Variants in STMND1 observed in about 807,000 individuals in gnomAD.
The protein encoded by STMND1 is stathmin domain-containing protein 1.
Under a neutral mutation model 23.0 loss-of-function variants are expected in STMND1, and 17 were observed. The ratio of observed to expected loss-of-function variants is 0.74; its 90% CI spans 0.51 to 1.11. The LOEUF (loss-of-function observed/expected upper bound fraction) is 1.11, where lower values mean the gene tolerates loss of function less well. STMND1 is among the 50% of genes least tolerant of loss of function. The probability of loss-of-function intolerance (pLI) is 0.00; values close to 1 mark genes in which losing one functional copy is unlikely to be tolerated. For synonymous variants in STMND1, 114 were observed against 119.9 expected (o/e 0.95, Z 0.32); for missense variants, 305 against 329.1 (o/e 0.93, Z 0.57).
intron 1 of STMND1, among the ~76,000 whole-genome samples, chr6:17,113,991 C>T (rs6928162): frequency 0.31 from 47,235 of 151,960 alleles, 7,492 homozygotes; most frequent in Middle Eastern, 0.34. Context: ...CTTCAAACAG[C>T]AGTCACCAAC....
At chr6:17,126,053 TATATATATA>T (rs1561925701) in intron 3 of STMND1, among the ~76,000 whole-genome samples, 3 of 34,782 alleles carry the variant, frequency 8.6e-5, no homozygotes, top group African/African-American at 1.4e-4. Flanking sequence ...TATATATATA[TATATATATA>T]TATATATATT....
chr6:17,117,138 G>A (rs1561923820), intron 2 of STMND1, among the ~76,000 whole-genome samples: 1 of 151,638 alleles, frequency 6.6e-6, no homozygotes. Flanking sequence ...ATGCCATCTC[G>A]ACTCACTGCA....
At chr6:17,129,345 G>A in intron 4 of STMND1, 102 bp downstream of exon 4, 1 of 1,103,104 alleles carries the variant, frequency 9.1e-7, no homozygotes, top group Non-Finnish European at 1.2e-6. Flanking sequence ...AAACTGCATG[G>A]ATCTATAATC....
chr6:17,129,054 C>T, intron 3 of STMND1, 58 bp from the exon 4 acceptor site: 1 of 1,498,928 alleles, frequency 6.7e-7, no homozygotes, highest in Non-Finnish European at 8.9e-7. Flanking sequence ...CTCTTTTGCC[C>T]TTCTCTTCTG....
In STMND1 at chr6:17,102,351, C is replaced by G. The variant is rs754368324; in HGVS notation, c.81+13C>G. On this transcript the variant is annotated intron_variant, in intron 1 of 4. Transcript: ENST00000536551. ...AGAGGAATTCAAGGTAATAAACAAA[C>G]AAACAAACAAACAAACAAACAGACA... is the stretch of plus-strand genomic sequence containing the variant. 4.0e-6 allele frequency: 6 copies of G among 1,512,024 alleles called. No homozygotes were observed. Among genetic ancestry groups the G allele is most frequent in the Non-Finnish European group, 5.3e-6 (6 of 1,128,376 alleles). 93.7% of individuals were successfully genotyped at this position (1,512,024 alleles called of 1,614,324 possible).
chr6:17,102,775 T>C (rs1228736823), intron 1 of STMND1, among the ~76,000 whole-genome samples: 1 of 152,122 alleles, frequency 6.6e-6, no homozygotes, highest in African/African-American at 2.4e-5. Context: ...AAATAGGCCC[T>C]TTGGTCGTTT....
chr6:17,120,650 G>C lies in STMND1; in HGVS notation c.303G>C (p.Glu101Asp). ...NGLINKPQSL[E>D]SRERQKSSDI... is the part of the protein sequence containing the mutation. ...TAATCAATAAACCCCAATCCCTAGAGAGTCGAGAGCGACAGAAGTCATCAG... is the reference window on the plus strand; with the variant it reads ...TAATCAATAAACCCCAATCCCTAGACAGTCGAGAGCGACAGAAGTCATCAG... The change falls in exon 3 of 5, where the codon GAG (glutamate) becomes GAC (aspartate). Residue 101 changes from glutamate (E) to aspartate (D), a missense_variant. Transcript: ENST00000536551. The C allele has an allele frequency of 6.5e-7, 1 of 1,535,048 alleles. No homozygotes were observed.
At position 17,104,541 on chromosome 6, in the gene STMND1, T is replaced by A. The variant is rs528872160; in HGVS notation, c.81+2203T>A. ...CCATTCCAAGGCCCAGGAGGGTTCCTGGGTTTCTACCTACATTTCTTGGGT... is the reference window on the plus strand; with the variant it reads ...CCATTCCAAGGCCCAGGAGGGTTCCAGGGTTTCTACCTACATTTCTTGGGT... On this transcript the variant is annotated intron_variant, in intron 1 of 4. Transcript: ENST00000536551. Among the ~76,000 whole-genome samples the A allele has an allele frequency of 2.0e-5, 3 of 152,304 alleles. No homozygotes were observed. The South Asian group carries it at 6.2e-4, about 32-fold the overall frequency.
At position 17,110,943 on chromosome 6, in the gene STMND1, T is replaced by C. The variant is rs1761090163; in HGVS notation, c.82-4019T>C. 4 of 453,146 alleles carry C rather than the reference T, an allele frequency of 8.8e-6. No homozygotes were observed. The Admixed American group carries it at 9.5e-5, about 11-fold the overall frequency. The allele number at this position is 453,146 out of a possible 1,614,324, so 28.1% of individuals were successfully genotyped here. ...CCATTGAAATGAGAAGTGGGAAACTTGCAATGAAAGAGGGCCAGCACCTGG... is the reference window on the plus strand; with the variant it reads ...CCATTGAAATGAGAAGTGGGAAACTCGCAATGAAAGAGGGCCAGCACCTGG... On this transcript the variant is annotated intron_variant, in intron 1 of 4. Coordinates refer to ENST00000536551, the MANE Select transcript of STMND1 (RefSeq NM_001190766.2).
At chr6:17,109,820 C>A (rs1376438529) in intron 1 of STMND1, among the ~76,000 whole-genome samples, 2 of 152,332 alleles carry the variant, frequency 1.3e-5, no homozygotes, top group South Asian at 4.1e-4. Flanking sequence ...TCCGTCCACT[C>A]CTGTCACTTG....
In STMND1 at chr6:17,116,672, T is replaced by C. The variant is rs183742242; in HGVS notation, c.259+1533T>C. ...CCAGGCCGGTCTCGAACTCCTGACC[T>C]CAAGTGATCCACCTGCCTCAGCCTC... On this transcript the variant is annotated intron_variant, in intron 2 of 4. Coordinates refer to ENST00000536551, the MANE Select transcript of STMND1 (RefSeq NM_001190766.2). 2.3e-3 allele frequency among the ~76,000 whole-genome samples: 351 copies of C among 152,252 alleles called. 1 individual carries two copies. Among genetic ancestry groups the C allele is most frequent in the African/African-American group, 7.9e-3 (329 of 41,548 alleles).
intron 4 of STMND1, 68 bp downstream of exon 4, chr6:17,129,311 C>G (rs916948299): frequency 3.4e-6 from 5 of 1,461,144 alleles, no homozygotes; most frequent in Non-Finnish European, 9.1e-7. Flanking sequence ...CACCCCAGAG[C>G]TTTCCTATCA....
At chr6:17,110,518 C>T (rs12216291) in intron 1 of STMND1, 74,537 of 242,032 alleles carry the variant, frequency 0.31, 11,924 homozygotes, top group Middle Eastern at 0.36. Context: ...GTCTGTAATC[C>T]CAACACTTTG....
intron 3 of STMND1, among the ~76,000 whole-genome samples, chr6:17,126,070 ATTTTTTTT>A (rs1189845838): frequency 0.011 from 218 of 20,390 alleles, no homozygotes; most frequent in Admixed American, 0.016. Flanking sequence ...ATATATATAT[ATTTTTTTT>A]TTTTTTTTTT....
chr6:17,110,964 C>T (rs1308934208), intron 1 of STMND1: 4 of 445,462 alleles, frequency 9.0e-6, no homozygotes, highest in African/African-American at 2.0e-5. Flanking sequence ...AGGGCCAGCA[C>T]CTGGAGAGAG....
intron 1 of STMND1, among the ~76,000 whole-genome samples, chr6:17,107,426 C>T (rs948390672): frequency 3.9e-5 from 6 of 152,230 alleles, no homozygotes; most frequent in East Asian, 1.9e-4. Context: ...AAATTTATCC[C>T]CAAGACACTG....
At chr6:17,116,425 T>A (rs1761160362) in intron 2 of STMND1, among the ~76,000 whole-genome samples, 1 of 152,162 alleles carries the variant, frequency 6.6e-6, no homozygotes, top group African/African-American at 2.4e-5. Flanking sequence ...GTCTCTGCTC[T>A]TCAAATCTGC....
At chr6:17,118,062 A>G (rs1761183087) in intron 2 of STMND1, among the ~76,000 whole-genome samples, 1 of 152,058 alleles carries the variant, frequency 6.6e-6, no homozygotes, top group Non-Finnish European at 1.5e-5. Flanking sequence ...TCAACTCATT[A>G]TGTTTATGGG....
chr6:17,114,489 C>T (rs1761132526), intron 1 of STMND1, among the ~76,000 whole-genome samples: 1 of 152,178 alleles, frequency 6.6e-6, no homozygotes, highest in South Asian at 2.1e-4. Flanking sequence ...TGGTCTTGAA[C>T]TCCTGACCTC....
Sources: gnomAD v4.1 joint callset for allele counts (sites outside exome capture counted in the v4.1 genomes callset) on GRCh38, gnomAD v4.1.1 for gene constraint, MANE v1.5 for transcripts, NCBI Gene and HGNC (gene_info 2026-07-23, HGNC 2026-07-21) for gene names.